The following ZEB2 variants were observed in gnomAD, a reference collection of about 807,000 sequenced individuals.
ZEB2 encodes the protein zinc finger E-box-binding homeobox 2.
A neutral mutation model predicts 99.9 loss-of-function variants in ZEB2; 6 were observed. The ratio of observed to expected loss-of-function variants is 0.06; its 90% confidence interval spans 0.03 to 0.12. The LOEUF (loss-of-function observed/expected upper bound fraction) is 0.12, where lower values mean the gene tolerates loss of function less well. Ranked by LOEUF, ZEB2 falls within the 10% of genes least tolerant of loss-of-function variation. ZEB2 has a pLI of 1.00. For synonymous variants in ZEB2, 517 were observed against 542.5 expected (o/e 0.95, Z 0.65); for missense variants, 969 against 1,502.8 (o/e 0.64, Z 5.87).
chr2:144,498,523 G>A (rs886641312), intron 2 of ZEB2, among the ~76,000 whole-genome samples: 6 of 152,086 alleles, frequency 3.9e-5, no homozygotes, highest in Admixed American at 6.6e-5. Context: ...ATATGAAATC[G>A]TCATCATCAC....
intron 9 of ZEB2, among the ~76,000 whole-genome samples, chr2:144,392,635 G>C (rs1176477277): frequency 5.3e-5 from 8 of 152,208 alleles, no homozygotes; most frequent in Non-Finnish European, 8.8e-5. Context: ...ATAGTCTACT[G>C]ATCTCCAGAA....
chr2:144,449,843 C>A (rs1052545658), intron 2 of ZEB2: 2 of 152,104 alleles, frequency 1.3e-5, no homozygotes, highest in Non-Finnish European at 2.9e-5. Context: ...AACCTGCAGC[C>A]CTTAAGATGT....
intron 2 of ZEB2, among the ~76,000 whole-genome samples, chr2:144,435,529 G>A (rs947950385): frequency 6.6e-6 from 1 of 151,494 alleles, no homozygotes. Flanking sequence ...AGTTTGGGAG[G>A]TCGAGGCTGT....
At chr2:144,507,926 G>T (rs573072291) in intron 2 of ZEB2, among the ~76,000 whole-genome samples, 3 of 152,116 alleles carry the variant, frequency 2.0e-5, no homozygotes, top group Non-Finnish European at 4.4e-5. Context: ...TTATATTTAT[G>T]TACTCCTGCT....
At position 144,459,321 on chromosome 2, in the gene ZEB2, G is replaced by A. The variant is rs1159746214; in HGVS notation, c.74-29295C>T. ...ACAAAATGTCACTTCTGTAGGACACGGGGCTGCAAAAAGGACAGAAGGAAC... is the reference window on the plus strand; with the variant it reads ...ACAAAATGTCACTTCTGTAGGACACAGGGCTGCAAAAAGGACAGAAGGAAC... On this transcript the variant is annotated intron_variant, in intron 2 of 9. Coordinates refer to ENST00000627532, the MANE Select transcript of ZEB2 (RefSeq NM_014795.4). Among the ~76,000 whole-genome samples, 6 of 152,204 alleles carry A rather than the reference G, an allele frequency of 3.9e-5. No individual in the cohort carries two copies. The South Asian group carries it at 6.2e-4, about 16-fold the overall frequency.
chr2:144,395,757 G>T (rs1372673217), intron 9 of ZEB2, among the ~76,000 whole-genome samples: 1 of 152,150 alleles, frequency 6.6e-6, no homozygotes, highest in Non-Finnish European at 1.5e-5. Context: ...TACTCATAGT[G>T]AAGAATTAGG....
chr2:144,467,156 G>C (rs1413191621), intron 2 of ZEB2, among the ~76,000 whole-genome samples: 2 of 146,070 alleles, frequency 1.4e-5, no homozygotes, highest in Non-Finnish European at 3.0e-5. Flanking sequence ...TATACCCATT[G>C]TTAAATAAAA....
chr2:144,497,870 TG>T (rs1704790512), intron 2 of ZEB2: 1 of 1,952 alleles, frequency 5.1e-4, no homozygotes. Flanking sequence ...TATATATATA[TG>T]TCATTCTCAA....
At position 144,429,785 on chromosome 2, in the gene ZEB2, G is replaced by A. The variant is rs756635048; in HGVS notation, c.315C>T (p.Ala105=). 1.2e-6 allele frequency: 2 copies of A among 1,613,750 alleles called. No individual in the cohort carries two copies. Among genetic ancestry groups the A allele is most frequent in the African/African-American group, 1.3e-5 (1 of 74,902 alleles). The change falls in exon 3 of 10, where the codon GCC becomes GCT. Residue 105 remains alanine (A), a synonymous_variant. Coordinates refer to ENST00000627532, the MANE Select transcript of ZEB2 (RefSeq NM_014795.4). ...HPWHNNEILQ[A]SVDGPEEMKE... is the part of the protein sequence containing the mutation. ...GACACTTACCTGGACCATCTACAGA[G>A]GCTTGTAGAATCTCGTTGTTGTGCC...
intron 2 of ZEB2, among the ~76,000 whole-genome samples, chr2:144,448,576 C>T (rs1704016381): frequency 1.3e-5 from 2 of 152,080 alleles, no homozygotes; most frequent in South Asian, 4.1e-4. Context: ...ATTTACGTTG[C>T]ACACATTCAG....
intron 2 of ZEB2, chr2:144,507,257 A>G (rs1340908971): frequency 6.6e-6 from 1 of 152,258 alleles, no homozygotes; most frequent in East Asian, 1.9e-4. Context: ...AGAAAAATTT[A>G]CAACTTAAAA....
chr2:144,396,294 TC>T, intron 9 of ZEB2, 117 bp downstream of exon 9: 1 of 1,322,478 alleles, frequency 7.6e-7, no homozygotes, highest in Non-Finnish European at 1.1e-6. Context: ...CATTATTTCT[TC>T]CTTGTTGAAG....
chr2:144,497,057 C>T (rs944757098), intron 2 of ZEB2, among the ~76,000 whole-genome samples: 7 of 152,170 alleles, frequency 4.6e-5, no homozygotes, highest in Non-Finnish European at 1.0e-4. Context: ...GCTGACAATG[C>T]CTGCGCTGTT....
chr2:144,513,334 T>C (rs772288790), intron 2 of ZEB2: 1 of 1,302,982 alleles, frequency 7.7e-7, no homozygotes, highest in Non-Finnish European at 1.0e-6. Flanking sequence ...TTCAACTTGA[T>C]CCCTGTTCTT....
intron 4 of ZEB2, among the ~76,000 whole-genome samples, chr2:144,405,567 C>A (rs962053998): frequency 1.3e-5 from 2 of 150,758 alleles, no homozygotes; most frequent in Non-Finnish European, 3.0e-5. Flanking sequence ...GAGACAGATG[C>A]AAAAGGAAAG....
At chr2:144,438,719 C>A (rs1311956914) in intron 2 of ZEB2, among the ~76,000 whole-genome samples, 1 of 152,122 alleles carries the variant, frequency 6.6e-6, no homozygotes, top group Non-Finnish European at 1.5e-5. Flanking sequence ...CTGAGAAAGG[C>A]ATGTAAAGTT....
intron 4 of ZEB2, among the ~76,000 whole-genome samples, chr2:144,423,233 C>T (rs1316828253): frequency 6.6e-6 from 1 of 152,086 alleles, no homozygotes; most frequent in Non-Finnish European, 1.5e-5. Context: ...GGTAAATTTT[C>T]TTTTGTGACA....
rs1553968383 is a variant in ZEB2, at chr2:144,483,148, A to ACG, written c.73+34129_73+34130insCG. On this transcript the variant is annotated intron_variant, in intron 2 of 9. Transcript: ENST00000627532. ...CACACACACACACACACACACACACACACACACACACACACATACCCTAAG... is the reference window on the plus strand; with the variant it reads ...CACACACACACACACACACACACACACGCACACACACACACACATACCCTAAG... 2.4e-4 allele frequency among the ~76,000 whole-genome samples: 35 copies of ACG among 144,116 alleles called. 1 individual carries two copies. The highest frequency in any genetic ancestry group is 1.1e-3 in the East Asian group (5 of 4,560). The allele number at this position is 144,116 out of a possible 152,430, so 94.5% of individuals were successfully genotyped here.
chr2:144,431,249 G>C (rs1703766230), intron 2 of ZEB2, among the ~76,000 whole-genome samples: 1 of 152,130 alleles, frequency 6.6e-6, no homozygotes, highest in African/African-American at 2.4e-5. Flanking sequence ...TGGCAGAAAA[G>C]GAGGAAAAAA....
Sources: allele counts gnomAD v4.1 joint callset (sites outside exome capture counted in the v4.1 genomes callset), GRCh38; gene constraint gnomAD v4.1.1; transcripts MANE v1.5; gene names NCBI Gene and HGNC (gene_info 2026-07-23, HGNC 2026-07-21).